Variants in PTPRD observed in about 807,000 individuals in gnomAD.
The protein encoded by PTPRD is protein tyrosine phosphatase receptor type D.
A neutral mutation model predicts 214.5 loss-of-function variants in PTPRD; 34 were observed. That is an observed-to-expected ratio of 0.16 (90% confidence interval 0.12 to 0.21). The LOEUF is 0.21. PTPRD is among the 10% of genes least tolerant of loss of function. The pLI is 1.00. For missense variants in PTPRD, 2,545 were observed against 2,398.7 expected, an observed-to-expected ratio of 1.06 and a Z score of -1.27; for synonymous variants, 1,128 against 845.7, an observed-to-expected ratio of 1.33 and a Z score of -5.79.
At chr9:9,318,349 G>A (rs1030600159) in intron 9 of PTPRD, among the ~76,000 whole-genome samples, 14 of 151,926 alleles carry the variant, frequency 9.2e-5, no homozygotes, top group Admixed American at 3.3e-4. Context: ...GGAAAGTAGT[G>A]AACTTCTTTG....
chr9:10,256,395 CTTTTTT>C (rs35833315), intron 3 of PTPRD, among the ~76,000 whole-genome samples: 2 of 144,624 alleles, frequency 1.4e-5, no homozygotes, highest in Admixed American at 1.4e-4. Flanking sequence ...TGAATTACAG[CTTTTTT>C]TTTTTTTAAT....
intron 10 of PTPRD, among the ~76,000 whole-genome samples, chr9:9,028,228 T>C (rs1312292678): frequency 6.6e-6 from 1 of 151,966 alleles, no homozygotes; most frequent in African/African-American, 2.4e-5. Context: ...TCCATACTGA[T>C]AAGAAATTCA....
intron 7 of PTPRD, among the ~76,000 whole-genome samples, chr9:9,701,030 T>A (rs1259610309): frequency 6.7e-6 from 1 of 149,536 alleles, no homozygotes; most frequent in African/African-American, 2.5e-5. Context: ...AAACACTTCA[T>A]CCTGAGATTA....
intron 12 of PTPRD, among the ~76,000 whole-genome samples, chr9:8,644,941 G>A (rs1443434340): frequency 6.6e-6 from 1 of 152,212 alleles, no homozygotes; most frequent in Admixed American, 6.5e-5. Flanking sequence ...CTTGGATAAA[G>A]GTGCCACTGG....
At chr9:9,455,751 C>G (rs186501934) in intron 8 of PTPRD, among the ~76,000 whole-genome samples, 2 of 151,738 alleles carry the variant, frequency 1.3e-5, no homozygotes, top group African/African-American at 2.4e-5. Context: ...AAAAAAAACT[C>G]TTTTTGACTT....
At chr9:8,649,755 A>G (rs1264148462) in intron 12 of PTPRD, among the ~76,000 whole-genome samples, 1 of 152,242 alleles carries the variant, frequency 6.6e-6, no homozygotes, top group African/African-American at 2.4e-5. Context: ...GAGTTTTACA[A>G]TACATATTTC....
intron 10 of PTPRD, among the ~76,000 whole-genome samples, chr9:9,149,299 A>G (rs1350801605): frequency 6.6e-6 from 1 of 152,208 alleles, no homozygotes; most frequent in East Asian, 1.9e-4. Context: ...CACACTGAAA[A>G]GTGTTAGCTA....
rs41281781 is a variant in PTPRD at position 8,340,491 on chromosome 9, G to T, written c.5127-22C>A. On this transcript the variant is annotated intron_variant, in intron 41 of 45. Transcript: ENST00000381196. ...TTGTCTGAATTACAGAGAATGAAAA[G>T]AATGTGTTAAAGTATTTAGAGAACA... The T allele has an allele frequency of 9.1e-3, 14,044 of 1,548,164 alleles. 75 individuals are homozygous for T. Among genetic ancestry groups the T allele is most frequent in the East Asian group, 0.02 (901 of 44,130 alleles).
At chr9:10,467,638 T>C (rs969944873) in intron 2 of PTPRD, among the ~76,000 whole-genome samples, 1 of 151,470 alleles carries the variant, frequency 6.6e-6, no homozygotes, top group African/African-American at 2.5e-5. Flanking sequence ...TATATATGTA[T>C]GACAAAAATA....
At chr9:9,293,754 C>G (rs1453202744) in intron 9 of PTPRD, among the ~76,000 whole-genome samples, 5 of 151,614 alleles carry the variant, frequency 3.3e-5, no homozygotes, top group Non-Finnish European at 5.9e-5. Flanking sequence ...CTTCTACTCA[C>G]AAATTTAATG....
chr9:10,218,107 A>G (rs1594534126), intron 3 of PTPRD, among the ~76,000 whole-genome samples: 1 of 151,914 alleles, frequency 6.6e-6, no homozygotes, highest in Non-Finnish European at 1.5e-5. Context: ...TTAGATTTTT[A>G]TTAGTAAAGA....
chr9:8,869,459 G>T (rs1310540449), intron 11 of PTPRD, among the ~76,000 whole-genome samples: 1 of 152,018 alleles, frequency 6.6e-6, no homozygotes, highest in African/African-American at 2.4e-5. Flanking sequence ...TAATAATTTT[G>T]TAAGTGGCAA....
At chr9:9,791,740 T>G (rs979224201) in intron 5 of PTPRD, among the ~76,000 whole-genome samples, 1 of 152,168 alleles carries the variant, frequency 6.6e-6, no homozygotes, top group Non-Finnish European at 1.5e-5. Context: ...GTTTCCTATA[T>G]TGAGACTTTT....
chr9:10,600,530 A>G (rs2133335112), intron 2 of PTPRD, among the ~76,000 whole-genome samples: 1 of 151,950 alleles, frequency 6.6e-6, no homozygotes, highest in African/African-American at 2.4e-5. Flanking sequence ...ACATGTCTAC[A>G]GAGGCCAGGC....
intron 2 of PTPRD, among the ~76,000 whole-genome samples, chr9:10,434,156 T>C (rs190469108): frequency 6.6e-6 from 1 of 152,004 alleles, no homozygotes. Flanking sequence ...ATTTTTTTTA[T>C]TTCAAATTTA....
intron 3 of PTPRD, among the ~76,000 whole-genome samples, chr9:10,306,330 G>A (rs929424368): frequency 2.6e-5 from 4 of 151,904 alleles, no homozygotes; most frequent in African/African-American, 9.7e-5. Context: ...TGTAGATTGC[G>A]GGTTGATTGG....
chr9:10,105,850 G>T (rs1352777859), intron 3 of PTPRD, among the ~76,000 whole-genome samples: 1 of 151,430 alleles, frequency 6.6e-6, no homozygotes, highest in Non-Finnish European at 1.5e-5. Context: ...AATAGGGAAA[G>T]GTAGCCAAGG....
At chr9:10,082,824 C>A (rs1269144944) in intron 3 of PTPRD, among the ~76,000 whole-genome samples, 2 of 134,004 alleles carry the variant, frequency 1.5e-5, no homozygotes, top group Non-Finnish European at 3.1e-5. Context: ...CACACACACA[C>A]ACACACACAC....
At chr9:10,543,091 G>T (rs931802460) in intron 2 of PTPRD, among the ~76,000 whole-genome samples, 1 of 151,770 alleles carries the variant, frequency 6.6e-6, no homozygotes. Context: ...ATCCACGTTG[G>T]TCGCACTGGT....
Sources: allele counts gnomAD v4.1 joint callset (sites outside exome capture counted in the v4.1 genomes callset), GRCh38; gene constraint gnomAD v4.1.1; transcripts MANE v1.5; gene names NCBI Gene and HGNC (gene_info 2026-07-23, HGNC 2026-07-21).